The following KHDRBS2 variants were observed in gnomAD, a reference collection of about 807,000 sequenced individuals.
KHDRBS2 encodes the protein KH domain-containing, RNA-binding, signal transduction-associated protein 2.
KHDRBS2 carries 26 observed loss-of-function variants against 44.3 expected under a neutral mutation model. That is an observed-to-expected ratio of 0.59 (90% CI 0.43 to 0.81). The LOEUF (loss-of-function observed/expected upper bound fraction) is 0.81, where lower values mean the gene tolerates loss of function less well. Ranked by LOEUF, KHDRBS2 falls within the 40% of genes least tolerant of loss-of-function variation. The probability of loss-of-function intolerance (pLI) is 0.00; values close to 1 mark genes in which losing one functional copy is unlikely to be tolerated. For missense variants in KHDRBS2, 476 were observed against 433.1 expected (o/e 1.10, Z -0.88); for synonymous variants, 194 against 151.1 (o/e 1.28, Z -2.08).
At chr6:61,576,422 A>G in the KHDRBS2 span, among the ~76,000 whole-genome samples, 1 of 152,086 alleles carries the variant, frequency 6.6e-6, no homozygotes, top group East Asian at 1.9e-4. Context: ...CAGATTTTGT[A>G]TGCTGAAACT....
rs57360690 is a variant in KHDRBS2, at chr6:62,018,299, ATGTGTGTGTGTGTGTGTGTG to A, written c.336+29559_336+29578del. 7.6e-4 allele frequency among the ~76,000 whole-genome samples: 111 copies of A among 146,232 alleles called. 1 individual carries two copies. The highest frequency in any genetic ancestry group is 1.8e-3 in the African/African-American group (73 of 39,476). ...GTATATTCACACACTATATATATATATGTGTGTGTGTGTGTGTGTGTGTGTGTGTGTGTGTGTGTGTCCTT... is the reference window on the plus strand; with the variant it reads ...GTATATTCACACACTATATATATATATGTGTGTGTGTGTGTGTGTGTCCTT... On this transcript the variant is annotated intron_variant, in intron 3 of 8. Coordinates refer to ENST00000281156, the MANE Select transcript of KHDRBS2 (RefSeq NM_152688.4).
chr6:61,784,541 G>A (rs1313660800), intron 6 of KHDRBS2, among the ~76,000 whole-genome samples: 1 of 151,792 alleles, frequency 6.6e-6, no homozygotes, highest in Non-Finnish European at 1.5e-5. Context: ...AAATTTATAT[G>A]GTATGAAATA....
chr6:61,579,823 C>T, the KHDRBS2 span, among the ~76,000 whole-genome samples: 50 of 104,970 alleles, frequency 4.8e-4, 7 homozygotes, highest in African/African-American at 1.5e-3. Flanking sequence ...TTTGGGAGGC[C>T]GAGGTGGGTG....
At chr6:62,095,035 C>A (rs1308136804) in intron 2 of KHDRBS2, among the ~76,000 whole-genome samples, 1 of 151,748 alleles carries the variant, frequency 6.6e-6, no homozygotes, top group Non-Finnish European at 1.5e-5. Flanking sequence ...ATTGCTTTGG[C>A]TATTTGGGGT....
At chr6:62,032,653 C>T (rs1219713649) in intron 3 of KHDRBS2, among the ~76,000 whole-genome samples, 3 of 151,776 alleles carry the variant, frequency 2.0e-5, no homozygotes, top group African/African-American at 7.3e-5. Context: ...CACAGTATTA[C>T]AGGGCTTGGG....
intron 6 of KHDRBS2, among the ~76,000 whole-genome samples, chr6:61,754,094 C>G (rs1169768354): frequency 6.6e-6 from 1 of 152,006 alleles, no homozygotes; most frequent in Non-Finnish European, 1.5e-5. Flanking sequence ...TCCGGAACTG[C>G]GAGAGAATAG....
intron 1 of KHDRBS2, among the ~76,000 whole-genome samples, chr6:62,249,499 A>G (rs1325248399): frequency 1.3e-5 from 2 of 152,058 alleles, no homozygotes; most frequent in Non-Finnish European, 2.9e-5. Context: ...ATATAGTTAA[A>G]GCCTACTTTA....
At chr6:61,750,841 A>G (rs1028913725) in intron 6 of KHDRBS2, among the ~76,000 whole-genome samples, 1 of 151,922 alleles carries the variant, frequency 6.6e-6, no homozygotes, top group African/African-American at 2.4e-5. Flanking sequence ...AGTTCCTTCC[A>G]ACATGGAATT....
the KHDRBS2 span, among the ~76,000 whole-genome samples, chr6:61,629,467 C>T: frequency 6.6e-6 from 1 of 152,060 alleles, no homozygotes; most frequent in Non-Finnish European, 1.5e-5. Context: ...GAAAATAAGA[C>T]TTCAGTCTCG....
intron 1 of KHDRBS2, among the ~76,000 whole-genome samples, chr6:62,199,752 A>G (rs1826517862): frequency 6.6e-6 from 1 of 152,184 alleles, no homozygotes; most frequent in South Asian, 2.1e-4. Context: ...TTCACATGGA[A>G]CCAAAAAAGA....
At chr6:61,846,007 TAA>T (rs1794351667) in intron 6 of KHDRBS2, among the ~76,000 whole-genome samples, 1 of 152,118 alleles carries the variant, frequency 6.6e-6, no homozygotes, top group Admixed American at 6.5e-5. Context: ...TCTGGTCATT[TAA>T]AAGTGTGTGG....
At chr6:61,881,072 C>T (rs955667594) in intron 6 of KHDRBS2, among the ~76,000 whole-genome samples, 4 of 151,772 alleles carry the variant, frequency 2.6e-5, no homozygotes, top group Non-Finnish European at 5.9e-5. Context: ...ACAGAAACCT[C>T]GTGGGTATAT....
At chr6:61,887,408 T>A (rs1444641057) in intron 6 of KHDRBS2, among the ~76,000 whole-genome samples, 1 of 152,162 alleles carries the variant, frequency 6.6e-6, no homozygotes, top group Admixed American at 6.5e-5. Flanking sequence ...ATCTGTAAAA[T>A]GTAAATTTAC....
intron 2 of KHDRBS2, among the ~76,000 whole-genome samples, chr6:62,060,087 G>C (rs576168749): frequency 6.6e-6 from 1 of 151,908 alleles, no homozygotes; most frequent in South Asian, 2.1e-4. Flanking sequence ...GGAGAGAAGG[G>C]TGCTGATGGG....
intron 6 of KHDRBS2, among the ~76,000 whole-genome samples, chr6:61,751,676 G>A (rs961167671): frequency 6.6e-6 from 1 of 152,188 alleles, no homozygotes; most frequent in Non-Finnish European, 1.5e-5. Context: ...AATTGGCACA[G>A]TCTGATTGAA....
At chr6:61,945,996 A>T (rs1318139723) in intron 4 of KHDRBS2, among the ~76,000 whole-genome samples, 1 of 152,206 alleles carries the variant, frequency 6.6e-6, no homozygotes, top group African/African-American at 2.4e-5. Context: ...GTGTGTGCAC[A>T]CTCAAACTCA....
At chr6:61,990,311 A>G (rs2020076) in intron 3 of KHDRBS2, among the ~76,000 whole-genome samples, 114,442 of 152,080 alleles carry the variant, frequency 0.75, 43,560 homozygotes, top group East Asian at 0.81. Flanking sequence ...GGGAAGTGGA[A>G]GGTAGACCCA....
At chr6:61,787,258 G>A (rs911862917) in intron 6 of KHDRBS2, among the ~76,000 whole-genome samples, 56 of 151,340 alleles carry the variant, frequency 3.7e-4, no homozygotes, top group South Asian at 8.3e-4. Context: ...TGACCTTATC[G>A]CTTATTATCT....
chr6:62,209,397 A>G (rs944558347), intron 1 of KHDRBS2, among the ~76,000 whole-genome samples: 1 of 152,210 alleles, frequency 6.6e-6, no homozygotes, highest in African/African-American at 2.4e-5. Flanking sequence ...TTTGTGATTT[A>G]CAGCCCATTT....
Sources: allele counts gnomAD v4.1 joint callset (sites outside exome capture counted in the v4.1 genomes callset), GRCh38; gene constraint gnomAD v4.1.1; transcripts MANE v1.5; gene names NCBI Gene and HGNC (gene_info 2026-07-23, HGNC 2026-07-21).